Variants in FRS2 observed in about 807,000 individuals in gnomAD.
The protein encoded by FRS2 is fibroblast growth factor receptor substrate 2, also known as FGFR signalling adaptor.
Under a neutral mutation model 43.9 loss-of-function variants are expected in FRS2, and 8 were observed. That is an observed-to-expected ratio of 0.18 (90% CI 0.11 to 0.33). The LOEUF is 0.33. FRS2 is among the 10% of genes least tolerant of loss of function. The pLI, the probability that FRS2 is intolerant of heterozygous loss-of-function variation, is 1.00. For synonymous variants in FRS2, 219 were observed against 220.3 expected, an observed-to-expected ratio of 0.99 and a Z score of 0.05; for missense variants, 534 against 627.6, an observed-to-expected ratio of 0.85 and a Z score of 1.59.
chr12:69,508,070 C>T (rs914114866), intron 1 of FRS2, among the ~76,000 whole-genome samples: 2 of 144,904 alleles, frequency 1.4e-5, no homozygotes, highest in Non-Finnish European at 3.0e-5. Context: ...TGCAGTGCTG[C>T]AGTTCTTGCA....
intron 1 of FRS2, among the ~76,000 whole-genome samples, chr12:69,502,472 G>T (rs572327402): frequency 2.0e-5 from 3 of 151,784 alleles, no homozygotes; most frequent in Non-Finnish European, 2.9e-5. Context: ...AGGCTCGAGC[G>T]GTCTTCCCAC....
intron 3 of FRS2, among the ~76,000 whole-genome samples, chr12:69,557,618 G>GCA (rs770677347): frequency 5.5e-5 from 7 of 126,578 alleles, no homozygotes; most frequent in Admixed American, 7.5e-5. Context: ...GTGTGTGTGT[G>GCA]TGCGCGCGCG....
At chr12:69,570,145 GT>G (rs1392344950) in intron 5 of FRS2, among the ~76,000 whole-genome samples, 185 bp from the exon 6 acceptor site, 1 of 152,154 alleles carries the variant, frequency 6.6e-6, no homozygotes, top group Non-Finnish European at 1.5e-5. Flanking sequence ...TCTACATTTT[GT>G]TTCCCCAGTG....
At chr12:69,495,387 T>C (rs1872786322) in intron 1 of FRS2, among the ~76,000 whole-genome samples, 1 of 152,264 alleles carries the variant, frequency 6.6e-6, no homozygotes, top group South Asian at 2.1e-4. Context: ...TCATGCCTGG[T>C]GGGCCTAGCA....
At chr12:69,473,744 T>G (rs968430616) in intron 1 of FRS2, among the ~76,000 whole-genome samples, 3 of 152,166 alleles carry the variant, frequency 2.0e-5, no homozygotes, top group African/African-American at 7.2e-5. Context: ...AGGGCAGTGG[T>G]AATGGAATTA....
chr12:69,528,051 A>G (rs986709200), intron 1 of FRS2, among the ~76,000 whole-genome samples: 14 of 152,224 alleles, frequency 9.2e-5, no homozygotes, highest in African/African-American at 3.4e-4. Context: ...GCAATTCTAG[A>G]GAACTCTTGC....
At chr12:69,544,655 C>T (rs996756249) in intron 3 of FRS2, among the ~76,000 whole-genome samples, 13 of 151,756 alleles carry the variant, frequency 8.6e-5, no homozygotes, top group Admixed American at 2.0e-4. Flanking sequence ...TGCAGTGAGC[C>T]GAGATCATGC....
intron 1 of FRS2, among the ~76,000 whole-genome samples, chr12:69,497,801 C>A (rs950117742): frequency 1.3e-5 from 2 of 152,178 alleles, no homozygotes; most frequent in Admixed American, 1.3e-4. Context: ...GCAGAGAGAG[C>A]AAGGGGCCTG....
In FRS2 at chr12:69,571,438, A is replaced by AGT. The variant is rs749302441; in HGVS notation, c.412+5_412+6dup. ...AGAACACCTCGAACACCTACAAGTA[A>AGT]GTACCCCTTTTCCCTTTCACATTTT... On this transcript the variant is annotated splice_donor_region_variant and intron_variant, in intron 7 of 8. Transcript: ENST00000549921. The AGT allele has an allele frequency of 3.7e-6, 6 of 1,607,572 alleles. No homozygotes were observed. Among genetic ancestry groups the AGT allele is most frequent in the Non-Finnish European group, 4.3e-6 (5 of 1,175,624 alleles).
chr12:69,474,481 T>G (rs754576132), intron 1 of FRS2, among the ~76,000 whole-genome samples: 21 of 152,336 alleles, frequency 1.4e-4, no homozygotes, highest in Non-Finnish European at 2.8e-4. Flanking sequence ...GGAAATATGC[T>G]AAGTGATTTA....
intron 1 of FRS2, among the ~76,000 whole-genome samples, chr12:69,497,512 A>G (rs1252563729): frequency 6.6e-6 from 1 of 152,188 alleles, no homozygotes; most frequent in Non-Finnish European, 1.5e-5. Flanking sequence ...CACTAATCCC[A>G]TTCATGAGAG....
chr12:69,573,514 A>G (rs117398846), intron 8 of FRS2, among the ~76,000 whole-genome samples: 14,143 of 152,016 alleles, frequency 0.093, 855 homozygotes, highest in Non-Finnish European at 0.14. Flanking sequence ...CAGGCTGATA[A>G]TGTAATGGTG....
At chr12:69,541,824 CAAAA>C (rs10605112) in intron 3 of FRS2, among the ~76,000 whole-genome samples, 12 of 90,834 alleles carry the variant, frequency 1.3e-4, no homozygotes, top group African/African-American at 2.6e-4. Context: ...GACCCTGTCT[CAAAA>C]AAAAAAAAAA....
At chr12:69,495,653 T>C (rs1347965593) in intron 1 of FRS2, among the ~76,000 whole-genome samples, 1 of 152,192 alleles carries the variant, frequency 6.6e-6, no homozygotes, top group East Asian at 1.9e-4. Flanking sequence ...TTTGGGAGGC[T>C]GAGGCAGGAG....
chr12:69,571,224 G>GT lies in FRS2; in HGVS notation c.254-44dup, dbSNP rs988321226. 1.8e-4 allele frequency: 232 copies of GT among 1,266,652 alleles called. 1 individual carries two copies. Among genetic ancestry groups the GT allele is most frequent in the Admixed American group, 2.1e-4 (9 of 42,060 alleles). The allele number at this position is 1,266,652 out of a possible 1,614,324, so 78.5% of individuals were successfully genotyped here. A position where few individuals can be genotyped will look rare whatever the true frequency, so the allele number is the denominator to read the frequency against. On this transcript the variant is annotated intron_variant, in intron 6 of 8. Transcript: ENST00000549921. ...CTGCTGTTTGTCAAGTGTTCCTATAGTTTTTTTTAAAGGTATGTTAACTAT... is the reference window on the plus strand; with the variant it reads ...CTGCTGTTTGTCAAGTGTTCCTATAGTTTTTTTTTAAAGGTATGTTAACTAT...
intron 1 of FRS2, among the ~76,000 whole-genome samples, chr12:69,482,120 A>G (rs1335245597): frequency 6.6e-6 from 1 of 151,870 alleles, no homozygotes; most frequent in African/African-American, 2.4e-5. Flanking sequence ...AATTGTTGAG[A>G]GTTTAAGGCT....
chr12:69,507,602 A>G (rs1353250000), intron 1 of FRS2, among the ~76,000 whole-genome samples: 1 of 152,114 alleles, frequency 6.6e-6, no homozygotes, highest in East Asian at 1.9e-4. Context: ...TGTAGTTTTA[A>G]TCTCATGGTT....
In FRS2 at chr12:69,538,195, TTTTA is replaced by T. The variant is rs1267886347; in HGVS notation, c.-122+6141_-122+6144del. Among the ~76,000 whole-genome samples, 77 of 76,874 alleles carry T rather than the reference TTTTA, an allele frequency of 1.0e-3. 1 individual carries two copies. Among genetic ancestry groups the T allele is most frequent in the Middle Eastern group, 5.8e-3 (1 of 172 alleles). The allele number at this position is 76,874 out of a possible 152,430, so 50.4% of individuals were successfully genotyped here. A position where few individuals can be genotyped will look rare whatever the true frequency, so the allele number is the denominator to read the frequency against. ...TTAATAATAAAATTAAAAAAACAAATTTTATATATATATATATATATATATATAG... is the reference window on the plus strand; with the variant it reads ...TTAATAATAAAATTAAAAAAACAAATTATATATATATATATATATATATAG... On this transcript the variant is annotated intron_variant, in intron 3 of 8. Coordinates refer to ENST00000549921, the MANE Select transcript of FRS2 (RefSeq NM_001278356.2).
At chr12:69,568,722 TG>T (rs1369217687) in intron 4 of FRS2, among the ~76,000 whole-genome samples, 4 of 91,904 alleles carry the variant, frequency 4.4e-5, no homozygotes, top group Admixed American at 3.3e-4. Flanking sequence ...GACCTTAAGT[TG>T]GTTTTTTTTT....
Sources: gnomAD v4.1 joint callset for allele counts (sites outside exome capture counted in the v4.1 genomes callset) on GRCh38, gnomAD v4.1.1 for gene constraint, MANE v1.5 for transcripts, NCBI Gene and HGNC (gene_info 2026-07-23, HGNC 2026-07-21) for gene names.